Variants in C10orf90 observed in about 807,000 individuals in gnomAD.
C10orf90 encodes the protein chromosome 10 open reading frame 90, also known as (E2-independent) E3 ubiquitin-conjugating enzyme FATS.
Under a neutral mutation model 62.5 loss-of-function variants are expected in C10orf90, and 56 were observed. That is an observed-to-expected ratio of 0.90 (90% CI 0.72 to 1.12). The LOEUF is 1.12. C10orf90 is among the 50% of genes most tolerant of loss of function. The probability of loss-of-function intolerance (pLI) is 0.00; values close to 1 mark genes in which losing one functional copy is unlikely to be tolerated. For missense variants in C10orf90, 970 were observed against 880.4 expected (o/e 1.10, Z -1.29); for synonymous variants, 386 against 340.4 (o/e 1.13, Z -1.47).
intron 2 of C10orf90, among the ~76,000 whole-genome samples, chr10:126,577,278 T>C (rs1844646639): frequency 6.6e-6 from 1 of 151,848 alleles, no homozygotes. Flanking sequence ...TTATTATTTG[T>C]CAATTAAAAG....
At chr10:126,669,258 G>T (rs967755311) in intron 1 of C10orf90, among the ~76,000 whole-genome samples, 2 of 152,132 alleles carry the variant, frequency 1.3e-5, no homozygotes, top group Non-Finnish European at 2.9e-5. Context: ...CATCTCTGTT[G>T]TGAACATGGA....
intron 3 of C10orf90, among the ~76,000 whole-genome samples, chr10:126,508,289 A>G (rs56253230): frequency 6.6e-6 from 1 of 151,096 alleles, no homozygotes; most frequent in Non-Finnish European, 1.5e-5. Flanking sequence ...ATGGGGATAA[A>G]GCCTAGAATT....
chr10:126,473,313 G>T (rs1860684375), intron 4 of C10orf90, among the ~76,000 whole-genome samples: 1 of 152,174 alleles, frequency 6.6e-6, no homozygotes, highest in South Asian at 2.1e-4. Context: ...GGCACAGCTG[G>T]TTGCCTAACC....
intron 2 of C10orf90, among the ~76,000 whole-genome samples, chr10:126,590,254 C>T (rs918624530): frequency 6.6e-6 from 1 of 152,092 alleles, no homozygotes; most frequent in Non-Finnish European, 1.5e-5. Flanking sequence ...GACTTTAACA[C>T]CCCACTGACG....
chr10:126,606,553 CA>C (rs1298406408), intron 2 of C10orf90, among the ~76,000 whole-genome samples: 1 of 152,114 alleles, frequency 6.6e-6, no homozygotes, highest in African/African-American at 2.4e-5. Flanking sequence ...ACAGTGAGCT[CA>C]CCGCGGACAA....
At chr10:126,579,030 T>C (rs1195019404) in intron 2 of C10orf90, among the ~76,000 whole-genome samples, 1 of 152,070 alleles carries the variant, frequency 6.6e-6, no homozygotes, top group Non-Finnish European at 1.5e-5. Context: ...AAAATGTGCA[T>C]TTTCTGTATA....
chr10:126,507,239 C>T (rs528813024), intron 3 of C10orf90, among the ~76,000 whole-genome samples: 1 of 151,642 alleles, frequency 6.6e-6, no homozygotes, highest in East Asian at 2.0e-4. Context: ...CGCCTGTAGT[C>T]CCAGCTACTC....
At chr10:126,548,581 G>T (rs1413375003) in intron 2 of C10orf90, among the ~76,000 whole-genome samples, 3 of 152,110 alleles carry the variant, frequency 2.0e-5, no homozygotes, top group Non-Finnish European at 4.4e-5. Context: ...TGGCCAGGAT[G>T]GTCTCGATCT....
intron 2 of C10orf90, among the ~76,000 whole-genome samples, chr10:126,533,764 G>A (rs1222897528): frequency 1.3e-5 from 2 of 152,198 alleles, no homozygotes; most frequent in Non-Finnish European, 2.9e-5. Context: ...TACACATCAC[G>A]CTCACTTTAG....
chr10:126,533,987 G>A (rs771246935), intron 2 of C10orf90, among the ~76,000 whole-genome samples: 2 of 152,126 alleles, frequency 1.3e-5, no homozygotes, highest in South Asian at 2.1e-4. Flanking sequence ...AGCTGGAGCC[G>A]CATTAGACCA....
At chr10:126,496,762 CT>C (rs1293079641) in intron 4 of C10orf90, 1 of 956,416 alleles carries the variant, frequency 1.0e-6, no homozygotes, top group African/African-American at 1.8e-5. Context: ...ACATCAAGCA[CT>C]TAAGGGATCG....
At chr10:126,583,757 G>A (rs2134018719) in intron 2 of C10orf90, among the ~76,000 whole-genome samples, 1 of 152,300 alleles carries the variant, frequency 6.6e-6, no homozygotes, top group South Asian at 2.1e-4. Flanking sequence ...CCAGAAGGCT[G>A]TCCAGCTGCT....
intron 1 of C10orf90, among the ~76,000 whole-genome samples, chr10:126,656,016 G>A (rs911360251): frequency 1.2e-4 from 18 of 152,002 alleles, no homozygotes; most frequent in Admixed American, 9.2e-4. Flanking sequence ...TCCTTTTCGT[G>A]GCTGACTTTC....
At chr10:126,629,864 T>A (rs1015513358) in intron 2 of C10orf90, among the ~76,000 whole-genome samples, 2 of 150,864 alleles carry the variant, frequency 1.3e-5, no homozygotes, top group Non-Finnish European at 3.0e-5. Flanking sequence ...GAATGTCAGC[T>A]GCAAGGAAAA....
At chr10:126,539,933 A>T (rs1210677139) in intron 2 of C10orf90, among the ~76,000 whole-genome samples, 1 of 152,254 alleles carries the variant, frequency 6.6e-6, no homozygotes, top group East Asian at 1.9e-4. Context: ...GGAATGGAAG[A>T]TCACTATTTC....
At chr10:126,441,192 A>C (rs1479866143) in intron 7 of C10orf90, among the ~76,000 whole-genome samples, 1 of 152,196 alleles carries the variant, frequency 6.6e-6, no homozygotes, top group African/African-American at 2.4e-5. Flanking sequence ...AAGAAAAAAC[A>C]ATCAACACTT....
At position 126,425,640 on chromosome 10, in the gene C10orf90, G is replaced by A; in HGVS notation, c.*224C>T. ...GACTGTATCCAGTGGGTTACATGGA[G>A]GTGGTTTCCCCACAACAGATTGTTG... On this transcript the variant is annotated 3_prime_UTR_variant, in exon 10 of 10. Coordinates refer to ENST00000488181, the MANE Select transcript of C10orf90 (RefSeq NM_001350921.2). 1 of 576,432 alleles carries A rather than the reference G, an allele frequency of 1.7e-6. No individual in the cohort carries two copies. The highest frequency in any genetic ancestry group is 2.9e-5 in the East Asian group (1 of 34,956). The allele number at this position is 576,432 out of a possible 1,614,324, so 35.7% of individuals were successfully genotyped here. A position where few individuals can be genotyped will look rare whatever the true frequency, so the allele number is the denominator to read the frequency against.
At chr10:126,443,888 T>C (rs1035323703) in intron 7 of C10orf90, among the ~76,000 whole-genome samples, 1 of 152,042 alleles carries the variant, frequency 6.6e-6, no homozygotes, top group African/African-American at 2.4e-5. Flanking sequence ...TCAATAAATA[T>C]AATACACCAC....
intron 4 of C10orf90, chr10:126,496,618 A>G: frequency 1.0e-6 from 1 of 980,406 alleles, no homozygotes; most frequent in African/African-American, 1.7e-5. Flanking sequence ...TTTTAAACCA[A>G]GTGGGGATTC....
Sources: gnomAD v4.1 joint callset for allele counts (sites outside exome capture counted in the v4.1 genomes callset) on GRCh38, gnomAD v4.1.1 for gene constraint, MANE v1.5 for transcripts, NCBI Gene and HGNC (gene_info 2026-07-23, HGNC 2026-07-21) for gene names.